Variants in FBXL19 observed in about 807,000 individuals in gnomAD.
FBXL19 encodes the protein F-box/LRR-repeat protein 19.
In FBXL19, 16 loss-of-function variants were observed where a neutral mutation model predicts 71.2. The ratio of observed to expected loss-of-function variants is 0.22; its 90% CI spans 0.15 to 0.34. The LOEUF (loss-of-function observed/expected upper bound fraction) is 0.34. FBXL19 is among the 10% of genes least tolerant of loss of function. The pLI is 1.00. For synonymous variants in FBXL19, 447 were observed against 409.4 expected, an observed-to-expected ratio of 1.09 and a Z score of -1.11; for missense variants, 658 against 968.2, an observed-to-expected ratio of 0.68 and a Z score of 4.25.
In FBXL19 at chr16:30,930,644, C is replaced by A; in HGVS notation, c.1301+60C>A. 1.4e-6 allele frequency: 2 copies of A among 1,400,318 alleles called. No individual in the cohort carries two copies. Among genetic ancestry groups the A allele is most frequent in the Non-Finnish European group, 1.8e-6 (2 of 1,083,328 alleles). The allele number at this position is 1,400,318 out of a possible 1,614,324, so 86.7% of individuals were successfully genotyped here. On this transcript the variant is annotated intron_variant, in intron 7 of 10. Coordinates refer to ENST00000338343, the MANE Select transcript of FBXL19 (RefSeq NM_001382779.1). The surrounding 1 kb of genome is among the most constrained non-coding windows in gnomAD (Gnocchi z 8.5). ...AGCAGGCTTCCCGCTTGCTGGGTGA[C>A]CTGCGGTAGGTCTCTGGCCCTCTCT...
At position 30,928,632 on chromosome 16, in the gene FBXL19, T is replaced by G. The variant is rs2055632949; in HGVS notation, c.789+4T>G. On this transcript the variant is annotated splice_donor_region_variant and intron_variant, in intron 6 of 10. Transcript: ENST00000338343. ...GCTCCCTCCCGAGAACTGGGAGGTG[T>G]GCCGGGGACCTCCTCCCTCCCCTTC... The G allele has an allele frequency of 6.4e-7, 1 of 1,560,356 alleles. No homozygotes were observed. Among genetic ancestry groups the G allele is most frequent in the African/African-American group, 1.4e-5 (1 of 72,310 alleles).
chr16:30,932,827 T>G (rs1363301173), intron 7 of FBXL19, among the ~76,000 whole-genome samples: 1 of 151,412 alleles, frequency 6.6e-6, no homozygotes, highest in Admixed American at 6.6e-5. Context: ...GGGGAGAGAT[T>G]TGCAATGATA....
In FBXL19 at chr16:30,924,353, T is replaced by G; in HGVS notation, c.-131T>G. ...CCTCGGGGGGCCGTGGACCCCGGCG[T>G]TCTGAGCGTTCCGCGCCCCGCGCCG... On this transcript the variant is annotated 5_prime_UTR_variant, in exon 1 of 11. Coordinates refer to ENST00000338343, the MANE Select transcript of FBXL19 (RefSeq NM_001382779.1). 2 of 161,626 alleles carry G rather than the reference T, an allele frequency of 1.2e-5. No homozygotes were observed. Among genetic ancestry groups the G allele is most frequent in the Non-Finnish European group, 2.7e-5 (2 of 74,402 alleles). The allele number at this position is 161,626 out of a possible 1,614,324, so 10.0% of individuals were successfully genotyped here.
At chr16:30,931,275 C>T (rs1010273827) in intron 7 of FBXL19, among the ~76,000 whole-genome samples, 6 of 152,136 alleles carry the variant, frequency 3.9e-5, no homozygotes, top group African/African-American at 7.2e-5. Context: ...CACTCTGTTC[C>T]CCTCATAGAG....
chr16:30,924,553 A>C, intron 1 of FBXL19, 94 bp downstream of exon 1: 58 of 1,206,862 alleles, frequency 4.8e-5, no homozygotes, highest in Middle Eastern at 3.1e-4. Flanking sequence ...CCCCGCCCCC[A>C]GCCTCACCCT....
Position 30,947,648 on chromosome 16 carries a change from A to G in FBXL19, c.*418A>G. ...GCAGACAGCAGACCACCAAGGGTTC[A>G]GGGAACAAAGACCAGTTACTTGGAG... is the stretch of plus-strand genomic sequence containing the variant. On this transcript the variant is annotated 3_prime_UTR_variant, in exon 11 of 11. Transcript: ENST00000338343. 3.3e-6 allele frequency: 1 copy of G among 300,594 alleles called. No individual in the cohort carries two copies. Among genetic ancestry groups the G allele is most frequent in the Non-Finnish European group, 6.3e-6 (1 of 158,426 alleles). The allele number at this position is 300,594 out of a possible 1,614,324, so 18.6% of individuals were successfully genotyped here.
At chr16:30,928,079 A>T (rs915969002) in intron 5 of FBXL19, 116 bp downstream of exon 5, 1 of 640,246 alleles carries the variant, frequency 1.6e-6, no homozygotes, top group Non-Finnish European at 2.5e-6. Context: ...TTCCCCAAGG[A>T]CTGTTGGGAG....
rs1013091777 is a variant in FBXL19 at position 30,948,515 on chromosome 16, C to G, written c.*1285C>G. 7.6e-6 allele frequency: 1 copy of G among 131,414 alleles called. No homozygotes were observed. Among genetic ancestry groups the G allele is most frequent in the Non-Finnish European group, 1.6e-5 (1 of 63,164 alleles). The allele number at this position is 131,414 out of a possible 1,614,324, so 8.1% of individuals were successfully genotyped here. A position where few individuals can be genotyped will look rare whatever the true frequency, so the allele number is the denominator to read the frequency against. On this transcript the variant is annotated 3_prime_UTR_variant, in exon 11 of 11. Transcript: ENST00000338343. ...GGTCCCGCCCCTCCGCGCAGGCCTCCGGGGGGCCGGGGCTTACCATGTAGG... is the reference window on the plus strand; with the variant it reads ...GGTCCCGCCCCTCCGCGCAGGCCTCGGGGGGGCCGGGGCTTACCATGTAGG...
Position 30,947,884 on chromosome 16 carries a change from C to T in FBXL19, c.*654C>T, listed in dbSNP as rs1188974630. On this transcript the variant is annotated 3_prime_UTR_variant, in exon 11 of 11. Coordinates refer to ENST00000338343, the MANE Select transcript of FBXL19 (RefSeq NM_001382779.1). ...TTCCCCCTGACCCTGACTCCTTGAA[C>T]GTCACTGAAAACGGCAGCTATTGCA... The T allele has an allele frequency of 1.8e-5, 8 of 454,860 alleles. No individual in the cohort carries two copies. Among genetic ancestry groups the T allele is most frequent in the Admixed American group, 1.6e-4 (7 of 42,440 alleles). The allele number at this position is 454,860 out of a possible 1,614,324, so 28.2% of individuals were successfully genotyped here. A position where few individuals can be genotyped will look rare whatever the true frequency, so the allele number is the denominator to read the frequency against.
intron 2 of FBXL19, among the ~76,000 whole-genome samples, chr16:30,926,980 T>G (rs2055599608): frequency 6.6e-6 from 1 of 152,170 alleles, no homozygotes; most frequent in Non-Finnish European, 1.5e-5. Context: ...AGCTGTAATT[T>G]CAGGGTCCCA....
chr16:30,923,257 C>G (rs931236425), upstream of FBXL19: 3 of 451,954 alleles, frequency 6.6e-6, no homozygotes, highest in Admixed American at 4.7e-5. Context: ...CGTTCCCTCT[C>G]CTTCTCGATG....
At chr16:30,929,001 C>T (rs1371482309) in intron 6 of FBXL19, among the ~76,000 whole-genome samples, 3 of 152,250 alleles carry the variant, frequency 2.0e-5, no homozygotes, top group Non-Finnish European at 2.9e-5. Context: ...CCTGCCTTGC[C>T]CCCTTATCCC....
intron 7 of FBXL19, among the ~76,000 whole-genome samples, chr16:30,936,435 ATT>A (rs1174123411): frequency 7.6e-5 from 10 of 131,432 alleles, no homozygotes; most frequent in Admixed American, 7.7e-5. Flanking sequence ...TCTGGGCCTC[ATT>A]TTTTTTTTTT....
chr16:30,937,021 C>T (rs958731202), intron 7 of FBXL19, among the ~76,000 whole-genome samples: 1 of 152,140 alleles, frequency 6.6e-6, no homozygotes, highest in Non-Finnish European at 1.5e-5. Flanking sequence ...GATTAACAGG[C>T]GTGAGCCACC....
chr16:30,938,626 C>G (rs1334196539), intron 7 of FBXL19, among the ~76,000 whole-genome samples: 6 of 152,092 alleles, frequency 3.9e-5, no homozygotes, highest in Admixed American at 3.9e-4. Flanking sequence ...GGAAGGAAGT[C>G]TCTCCATCGG....
intron 7 of FBXL19, among the ~76,000 whole-genome samples, chr16:30,936,046 A>G (rs369662986): frequency 6.6e-6 from 1 of 152,044 alleles, no homozygotes; most frequent in South Asian, 2.1e-4. Context: ...TGCACCAACC[A>G]CTTCCCTGAG....
Position 30,942,993 on chromosome 16 carries a change from C to G in FBXL19, c.1627+457C>G, listed in dbSNP as rs1031786729. Among the ~76,000 whole-genome samples, 1 of 152,214 alleles carries G rather than the reference C, an allele frequency of 6.6e-6. No individual in the cohort carries two copies. The highest frequency in any genetic ancestry group is 2.4e-5 in the African/African-American group (1 of 41,454). ...TGGGCAATTGTGGAGTGCCTTGATG[C>G]ACATCTGTGCCCTCCTGCCAGGGTC... On this transcript the variant is annotated intron_variant, in intron 9 of 10. Coordinates refer to ENST00000338343, the MANE Select transcript of FBXL19 (RefSeq NM_001382779.1). The surrounding 1 kb of genome is among the most constrained non-coding windows in gnomAD (Gnocchi z 5.7).
At chr16:30,932,839 CTT>C (rs1188274971) in intron 7 of FBXL19, among the ~76,000 whole-genome samples, 10 of 130,486 alleles carry the variant, frequency 7.7e-5, no homozygotes, top group Admixed American at 1.5e-4. Flanking sequence ...GCAATGATAA[CTT>C]TTTTTTTTTT....
upstream of FBXL19, chr16:30,922,993 C>G: frequency 2.2e-6 from 1 of 455,572 alleles, no homozygotes; most frequent in East Asian, 7.0e-5. Context: ...GGCTATAAAA[C>G]TACTAATCCC....
Sources: gnomAD v4.1 joint callset for allele counts (sites outside exome capture counted in the v4.1 genomes callset) on GRCh38, gnomAD v4.1.1 for gene constraint, Gnocchi (gnomAD v3.1) non-coding constraint, MANE v1.5 for transcripts, NCBI Gene and HGNC (gene_info 2026-07-23, HGNC 2026-07-21) for gene names.